ADAMTSL1: variants seen among roughly 807,000 people sequenced by gnomAD.
ADAMTSL1 encodes ADAMTS-like protein 1.
In ADAMTSL1, 126 loss-of-function variants were observed where a neutral mutation model predicts 201.8. That is an observed-to-expected ratio of 0.62 (90% CI 0.54 to 0.72). The LOEUF is 0.72. Ranked by LOEUF, ADAMTSL1 falls within the 30% of genes least tolerant of loss-of-function variation. The pLI, the probability that ADAMTSL1 is intolerant of heterozygous loss-of-function variation, is 0.00. For synonymous variants in ADAMTSL1, 1,121 were observed against 903.4 expected, an observed-to-expected ratio of 1.24 and a Z score of -4.32; for missense variants, 2,679 against 2,277.8, an observed-to-expected ratio of 1.18 and a Z score of -3.59.
intron 1 of ADAMTSL1, among the ~76,000 whole-genome samples, chr9:18,015,209 G>A (rs138360831): frequency 3.9e-5 from 6 of 151,998 alleles, no homozygotes; most frequent in Non-Finnish European, 2.9e-5. Flanking sequence ...ACACAGGTGT[G>A]TCTAGGCTCA....
At chr9:18,806,657 C>T (rs952220939) in intron 20 of ADAMTSL1, among the ~76,000 whole-genome samples, 1 of 152,178 alleles carries the variant, frequency 6.6e-6, no homozygotes, top group African/African-American at 2.4e-5. Context: ...TTTTTTCCCA[C>T]TGAATTTTGA....
intron 4 of ADAMTSL1, among the ~76,000 whole-genome samples, chr9:18,615,132 A>T (rs968809765): frequency 6.6e-6 from 1 of 152,226 alleles, no homozygotes; most frequent in Non-Finnish European, 1.5e-5. Flanking sequence ...AACAGTAAAC[A>T]TAGCTCATGG....
At chr9:18,603,342 T>C (rs562075554) in intron 4 of ADAMTSL1, among the ~76,000 whole-genome samples, 1 of 18,810 alleles carries the variant, frequency 5.3e-5, no homozygotes, top group African/African-American at 2.3e-4. Flanking sequence ...TCCAAAGCTA[T>C]ATGCTATGCT....
chr9:18,184,174 A>G (rs1464625710), intron 2 of ADAMTSL1, among the ~76,000 whole-genome samples: 1 of 152,214 alleles, frequency 6.6e-6, no homozygotes, highest in East Asian at 1.9e-4. Flanking sequence ...CTTGTTCACC[A>G]GATAACTGCT....
chr9:18,659,793 A>G (rs952059776), intron 8 of ADAMTSL1, among the ~76,000 whole-genome samples: 6 of 151,972 alleles, frequency 3.9e-5, no homozygotes, highest in African/African-American at 1.4e-4. Flanking sequence ...AAGAAGGAAA[A>G]TCGCTTTGTT....
intron 1 of ADAMTSL1, among the ~76,000 whole-genome samples, chr9:18,500,728 A>G (rs1373470489): frequency 6.6e-6 from 1 of 152,232 alleles, no homozygotes; most frequent in Non-Finnish European, 1.5e-5. Context: ...TTGCTGTAAT[A>G]AGAAAGGGTT....
chr9:18,201,357 G>A (rs566399548), intron 2 of ADAMTSL1, among the ~76,000 whole-genome samples: 1 of 152,182 alleles, frequency 6.6e-6, no homozygotes, highest in Admixed American at 6.5e-5. Flanking sequence ...CTTTGATTAA[G>A]AAGAGCATGC....
At chr9:17,927,852 T>C (rs1286865782) in intron 1 of ADAMTSL1, among the ~76,000 whole-genome samples, 1 of 152,162 alleles carries the variant, frequency 6.6e-6, no homozygotes, top group East Asian at 1.9e-4. Flanking sequence ...CAGCTGTATA[T>C]ATACTACATT....
intron 23 of ADAMTSL1, among the ~76,000 whole-genome samples, chr9:18,882,970 C>G (rs1286460786): frequency 1.5e-5 from 2 of 132,080 alleles, no homozygotes; most frequent in African/African-American, 5.8e-5. Context: ...CCAACCTGAG[C>G]AACAGAATGA....
chr9:18,272,484 G>T (rs1003902393), intron 2 of ADAMTSL1, among the ~76,000 whole-genome samples: 16 of 152,148 alleles, frequency 1.1e-4, no homozygotes, highest in Non-Finnish European at 2.9e-5. Flanking sequence ...TTAAATGTTA[G>T]ACCTAAAACC....
At chr9:18,194,594 T>C (rs1357126450) in intron 2 of ADAMTSL1, among the ~76,000 whole-genome samples, 1 of 152,126 alleles carries the variant, frequency 6.6e-6, no homozygotes, top group Non-Finnish European at 1.5e-5. Context: ...CTTGCTTTCT[T>C]GCTGCAGAGG....
In ADAMTSL1 at chr9:18,099,355, A is replaced by ATT. The variant is rs397893715; in HGVS notation, c.88-64491_88-64490dup. On this transcript the variant is annotated intron_variant, in intron 1 of 29. Transcript: ENST00000680146. ...TATATATATATATATATATATATAT[A>ATT]TTTTTTTTTTTTTTTTTAACATCCA... 1.8e-3 allele frequency among the ~76,000 whole-genome samples: 81 copies of ATT among 45,538 alleles called. 3 individuals are homozygous for ATT. Among genetic ancestry groups the ATT allele is most frequent in the East Asian group, 0.014 (23 of 1,660 alleles). The allele number at this position is 45,538 out of a possible 152,430, so 29.9% of individuals were successfully genotyped here. A position where few individuals can be genotyped will look rare whatever the true frequency, so the allele number is the denominator to read the frequency against.
chr9:18,432,448 G>C (rs1357288175), intron 2 of ADAMTSL1, among the ~76,000 whole-genome samples: 1 of 152,130 alleles, frequency 6.6e-6, no homozygotes, highest in Admixed American at 6.5e-5. Flanking sequence ...ATTATCAAAT[G>C]CTTTGCTAAA....
intron 15 of ADAMTSL1, among the ~76,000 whole-genome samples, chr9:18,737,979 A>G (rs1023291789): frequency 6.6e-5 from 10 of 152,212 alleles, no homozygotes; most frequent in African/African-American, 2.4e-4. Flanking sequence ...TCATTTGCTT[A>G]TCTATAAGAT....
At chr9:18,716,673 A>C (rs1360515686) in intron 14 of ADAMTSL1, among the ~76,000 whole-genome samples, 1 of 147,860 alleles carries the variant, frequency 6.8e-6, no homozygotes, top group Admixed American at 6.9e-5. Context: ...TGTGGAAGTC[A>C]GTGTGGCGAT....
At chr9:18,505,970 T>C (rs1817620391) in intron 2 of ADAMTSL1, among the ~76,000 whole-genome samples, 1 of 152,206 alleles carries the variant, frequency 6.6e-6, no homozygotes, top group South Asian at 2.1e-4. Flanking sequence ...GCCCGATAGA[T>C]GGTTCTTCAT....
intron 15 of ADAMTSL1, among the ~76,000 whole-genome samples, chr9:18,732,600 G>A (rs1818276677): frequency 6.6e-6 from 1 of 152,170 alleles, no homozygotes; most frequent in African/African-American, 2.4e-5. Flanking sequence ...AGAAAGGCCT[G>A]GGATAAGGCA....
chr9:18,198,227 G>A (rs2132261163), intron 2 of ADAMTSL1, among the ~76,000 whole-genome samples: 1 of 151,462 alleles, frequency 6.6e-6, no homozygotes, highest in South Asian at 2.1e-4. Context: ...AACACCAAAA[G>A]CAATGGCAAC....
intron 7 of ADAMTSL1, among the ~76,000 whole-genome samples, chr9:18,646,255 G>C (rs1827804850): frequency 6.6e-6 from 1 of 152,004 alleles, no homozygotes; most frequent in African/African-American, 2.4e-5. Flanking sequence ...TTGAGACTTT[G>C]CTGAAGTTGC....
Sources: allele counts gnomAD v4.1 joint callset (sites outside exome capture counted in the v4.1 genomes callset), GRCh38; gene constraint gnomAD v4.1.1; transcripts MANE v1.5; gene names NCBI Gene and HGNC (gene_info 2026-07-23, HGNC 2026-07-21).